LRP1B: variants seen among roughly 807,000 people sequenced by gnomAD.
LRP1B encodes the protein low-density lipoprotein receptor-related protein 1B.
LRP1B carries 217 observed loss-of-function variants against 556.6 expected under a neutral mutation model. That is an observed-to-expected ratio of 0.39 (90% CI 0.35 to 0.44). The LOEUF is 0.44. Ranked by LOEUF, LRP1B falls within the 20% of genes least tolerant of loss-of-function variation. The pLI is 1.00. For missense variants in LRP1B, 5,053 were observed against 5,620.8 expected (o/e 0.90, Z 3.23); for synonymous variants, 2,047 against 1,865.8 (o/e 1.10, Z -2.50).
At chr2:140,825,403 G>A (rs982414469) in intron 31 of LRP1B, among the ~76,000 whole-genome samples, 2 of 151,972 alleles carry the variant, frequency 1.3e-5, no homozygotes, top group East Asian at 3.9e-4. Flanking sequence ...TTGTCTCCCA[G>A]TAACTGGCAC....
chr2:141,782,891 G>T (rs558008514), intron 2 of LRP1B, among the ~76,000 whole-genome samples: 2 of 151,978 alleles, frequency 1.3e-5, no homozygotes, highest in African/African-American at 4.8e-5. Flanking sequence ...AAGAGCTGGG[G>T]ATGCTTTTTC....
At chr2:141,017,694 T>C (rs1272647220) in intron 12 of LRP1B, among the ~76,000 whole-genome samples, 1 of 151,810 alleles carries the variant, frequency 6.6e-6, no homozygotes, top group Non-Finnish European at 1.5e-5. Context: ...TATATATATA[T>C]GCTTAAATAT....
intron 72 of LRP1B, among the ~76,000 whole-genome samples, chr2:140,362,040 G>A (rs825429): frequency 0.48 from 72,443 of 151,190 alleles, 17,831 homozygotes; most frequent in Non-Finnish European, 0.53. Context: ...TATCCAATCC[G>A]TCATTTAATC....
chr2:140,868,344 T>A, intron 25 of LRP1B, 81 bp from the exon 26 acceptor site: 19 of 1,280,266 alleles, frequency 1.5e-5, no homozygotes, highest in Non-Finnish European at 2.0e-5. Context: ...GCCTACCATA[T>A]GCTAGGCACT....
chr2:140,928,512 G>A (rs920681497), intron 20 of LRP1B, among the ~76,000 whole-genome samples: 1 of 152,040 alleles, frequency 6.6e-6, no homozygotes, highest in Non-Finnish European at 1.5e-5. Flanking sequence ...TGAGGGTTCT[G>A]GATGGCCTCA....
chr2:140,426,616 T>C (rs776853336), intron 66 of LRP1B, among the ~76,000 whole-genome samples: 7 of 152,196 alleles, frequency 4.6e-5, no homozygotes, highest in Admixed American at 1.3e-4. Flanking sequence ...CACATCTGCC[T>C]GCCAGAGAAC....
At chr2:140,747,639 T>G (rs901641849) in intron 35 of LRP1B, among the ~76,000 whole-genome samples, 9 of 152,212 alleles carry the variant, frequency 5.9e-5, no homozygotes, top group South Asian at 4.1e-4. Context: ...GGAAATACAA[T>G]CTGCAGCAAT....
At chr2:141,728,951 C>T (rs770493863) in intron 2 of LRP1B, among the ~76,000 whole-genome samples, 74 of 152,090 alleles carry the variant, frequency 4.9e-4, no homozygotes, top group Non-Finnish European at 9.4e-4. Flanking sequence ...GAGGGGGGTG[C>T]CAGGAGTGCT....
chr2:141,614,921 C>T (rs1688240197), intron 2 of LRP1B, among the ~76,000 whole-genome samples: 1 of 152,198 alleles, frequency 6.6e-6, no homozygotes, highest in South Asian at 2.1e-4. Context: ...GAACACACTG[C>T]ATCCTGGTAT....
At chr2:140,564,131 A>G (rs1681040065) in intron 43 of LRP1B, among the ~76,000 whole-genome samples, 1 of 152,180 alleles carries the variant, frequency 6.6e-6, no homozygotes, top group African/African-American at 2.4e-5. Flanking sequence ...TGTGATTGAA[A>G]TTGGGTAATG....
At chr2:142,102,826 A>G (rs927054036) in intron 1 of LRP1B, among the ~76,000 whole-genome samples, 8 of 151,936 alleles carry the variant, frequency 5.3e-5, no homozygotes, top group Non-Finnish European at 7.4e-5. Context: ...CTAAGTGTTC[A>G]CATTTTAAAA....
rs765446486 is a variant in LRP1B, at chr2:140,335,644, G to T, written c.12087C>A (p.Pro4029=). 2 of 1,611,180 alleles carry T rather than the reference G, an allele frequency of 1.2e-6. No individual in the cohort carries two copies. The highest frequency in any genetic ancestry group is 1.7e-6 in the Non-Finnish European group (2 of 1,177,744). The change falls in exon 78 of 91, where the codon CCC becomes CCA. Residue 4029 remains proline (P), a synonymous_variant. Transcript: ENST00000389484. The part of the protein sequence containing the change: ...TRLLTNMAGE[P]YAIAVNPKRG... ...TTTTAGGATTTACTGCAATAGCATA[G>T]GGTTCTCCAGCCATATTTGTTAAGA...
At chr2:140,653,576 A>G (rs1256826846) in intron 41 of LRP1B, among the ~76,000 whole-genome samples, 1 of 152,154 alleles carries the variant, frequency 6.6e-6, no homozygotes, top group African/African-American at 2.4e-5. Flanking sequence ...ATTGGGCTGT[A>G]AAGTCTGCAA....
chr2:140,850,364 A>G, intron 28 of LRP1B, 35 bp from the exon 29 acceptor site: 1 of 1,342,528 alleles, frequency 7.4e-7, no homozygotes, highest in Non-Finnish European at 1.0e-6. Flanking sequence ...TCTCTTATGA[A>G]GTTGGCAAGC....
At chr2:140,748,655 C>A (rs866645699) in intron 35 of LRP1B, among the ~76,000 whole-genome samples, 5 of 103,030 alleles carry the variant, frequency 4.9e-5, no homozygotes, top group South Asian at 5.9e-4. Context: ...AGATGTGATA[C>A]CAAAAGCTGT....
In LRP1B at chr2:141,600,507, TC is replaced by T. The variant is rs1425954896; in HGVS notation, c.206-119975del. On this transcript the variant is annotated intron_variant, in intron 2 of 90. Transcript: ENST00000389484. ...TTGTGAGTGATGATGCAGGTGAGTA[TC>T]TGTTGGCATCAGGGTTTAAAGTGAA... 2.0e-5 allele frequency among the ~76,000 whole-genome samples: 3 copies of T among 152,062 alleles called. No homozygotes were observed. In the East Asian group the frequency reaches 5.8e-4, roughly 29 times the overall value.
At chr2:141,210,058 T>C (rs151089618) in intron 6 of LRP1B, among the ~76,000 whole-genome samples, 212 of 139,824 alleles carry the variant, frequency 1.5e-3, no homozygotes, top group African/African-American at 4.7e-3. Context: ...AGTCACAAGA[T>C]GTTACAGCCT....
chr2:141,872,500 ATTGGT>A, intron 1 of LRP1B, among the ~76,000 whole-genome samples: 1 of 152,074 alleles, frequency 6.6e-6, no homozygotes, highest in East Asian at 1.9e-4. Flanking sequence ...CATATGTAAA[ATTGGT>A]TTCCTTAAAG....
At chr2:141,441,482 T>C (rs930177965) in intron 3 of LRP1B, among the ~76,000 whole-genome samples, 5 of 152,222 alleles carry the variant, frequency 3.3e-5, no homozygotes, top group Admixed American at 6.5e-5. Context: ...TAAATACTTG[T>C]AGACCAACTA....
Sources: gnomAD v4.1 joint callset for allele counts (sites outside exome capture counted in the v4.1 genomes callset) on GRCh38, gnomAD v4.1.1 for gene constraint, MANE v1.5 for transcripts, NCBI Gene and HGNC (gene_info 2026-07-23, HGNC 2026-07-21) for gene names.